URB1: variants seen among roughly 807,000 people sequenced by gnomAD.
The protein encoded by URB1 is URB1 ribosome biogenesis factor.
Under a neutral mutation model 242.3 loss-of-function variants are expected in URB1, and 197 were observed. The ratio of observed to expected loss-of-function variants is 0.81; its 90% CI spans 0.72 to 0.91. URB1 has a LOEUF of 0.91. Among genes scored for constraint, URB1 ranks in the 40% least tolerant of loss-of-function variants. The pLI is 0.00. For synonymous variants in URB1, 1,153 were observed against 1,201.8 expected (o/e 0.96, Z 0.84); for missense variants, 2,721 against 2,860.5 (o/e 0.95, Z 1.11).
At chr21:32,382,032 T>A (rs1270044793) in intron 4 of URB1, among the ~76,000 whole-genome samples, 40 of 152,204 alleles carry the variant, frequency 2.6e-4, no homozygotes, top group Non-Finnish European at 4.4e-5. Context: ...TTACAGATCC[T>A]GGAGAGGTAA....
At chr21:32,320,263 ACT>A (rs999702608) in intron 35 of URB1, among the ~76,000 whole-genome samples, 19 of 152,252 alleles carry the variant, frequency 1.2e-4, no homozygotes, top group Middle Eastern at 3.4e-3. Flanking sequence ...GCTGGCGGAG[ACT>A]CTGCCAGATG....
At chr21:32,379,873 C>T (rs1273854185) in intron 4 of URB1, among the ~76,000 whole-genome samples, 1 of 151,802 alleles carries the variant, frequency 6.6e-6, no homozygotes, top group Admixed American at 6.6e-5. Flanking sequence ...GCCTATAATC[C>T]CAGCTACTCG....
chr21:32,351,028 C>A, intron 19 of URB1, 106 bp from the exon 20 acceptor site: 1 of 1,192,446 alleles, frequency 8.4e-7, no homozygotes, highest in Admixed American at 2.2e-5. Flanking sequence ...CACAAAGAAG[C>A]ACATGCTGAG....
At chr21:32,351,661 C>T (rs754085574) in intron 19 of URB1, among the ~76,000 whole-genome samples, 2 of 152,178 alleles carry the variant, frequency 1.3e-5, no homozygotes, top group Non-Finnish European at 2.9e-5. Flanking sequence ...TGAAAAGGCC[C>T]TCTGGGGAAT....
chr21:32,359,483 TTTTG>T (rs1296513910), intron 14 of URB1, among the ~76,000 whole-genome samples: 13 of 152,240 alleles, frequency 8.5e-5, no homozygotes, highest in African/African-American at 2.4e-4. Context: ...ATGTATTTTA[TTTTG>T]TTTATTATTT....
In URB1 at chr21:32,311,635, T is replaced by A; in HGVS notation, c.*3283A>T. ...AACCCCCCAGCCCCACAGTATGGAC[T>A]GTTCTGCAGCAACTATGATGCCTGC... On this transcript the variant is annotated 3_prime_UTR_variant, in exon 39 of 39. Transcript: ENST00000382751. 6.2e-7 allele frequency: 1 copy of A among 1,601,194 alleles called. No individual in the cohort carries two copies. The highest frequency in any genetic ancestry group is 1.7e-4 in the Middle Eastern group (1 of 5,980).
chr21:32,345,328 T>C, intron 23 of URB1, 46 bp downstream of exon 23: 1 of 1,517,844 alleles, frequency 6.6e-7, no homozygotes, highest in Non-Finnish European at 8.9e-7. Context: ...AAAAAAAAAA[T>C]GACACCGAGA....
rs1358809768 is a variant in URB1, at chr21:32,311,840, G to C, written c.*3078C>G. 6.2e-7 allele frequency: 1 copy of C among 1,614,010 alleles called. No individual in the cohort carries two copies. Among genetic ancestry groups the C allele is most frequent in the African/African-American group, 1.3e-5 (1 of 74,932 alleles). ...CAGGGAGCAGAACTGGCCCTGACCA[G>C]CCGCTACGACAGGAGAGCTCCTCCA... On this transcript the variant is annotated 3_prime_UTR_variant, in exon 39 of 39. Transcript: ENST00000382751.
At chr21:32,334,459 C>T (rs745443130) in intron 28 of URB1, 125 bp from the exon 29 acceptor site, 20 of 1,138,314 alleles carry the variant, frequency 1.8e-5, no homozygotes, top group Admixed American at 1.7e-4. Flanking sequence ...TCTGAGCATG[C>T]GACGTGTTAT....
intron 8 of URB1, among the ~76,000 whole-genome samples, chr21:32,370,621 G>A (rs965438644): frequency 7.9e-5 from 12 of 152,224 alleles, no homozygotes; most frequent in African/African-American, 2.7e-4. Flanking sequence ...CAGAGAGGAT[G>A]CCTAACCCAG....
Position 32,352,918 on chromosome 21 carries a change from C to G in URB1, c.2417-12G>C. ...CACAACGTTTTCCGCTGCAAAGGAA[C>G]GAGATGCATATGGGAAGAGGCTGGC... On this transcript the variant is annotated splice_polypyrimidine_tract_variant and intron_variant, in intron 18 of 38. Transcript: ENST00000382751. The G allele has an allele frequency of 6.5e-7, 1 of 1,532,046 alleles. No individual in the cohort carries two copies. Among genetic ancestry groups the G allele is most frequent in the South Asian group, 1.2e-5 (1 of 80,394 alleles). The allele number at this position is 1,532,046 out of a possible 1,614,324, so 94.9% of individuals were successfully genotyped here. A position where few individuals can be genotyped will look rare whatever the true frequency, so the allele number is the denominator to read the frequency against.
At chr21:32,345,317 T>TA (rs199917396) in intron 23 of URB1, 57 bp downstream of exon 23, 2,563 of 1,297,436 alleles carry the variant, frequency 2.0e-3, no homozygotes, top group Non-Finnish European at 2.1e-3. Flanking sequence ...CTCTATGAAT[T>TA]AAAAAAAAAA....
chr21:32,363,639 A>G (rs374560978), intron 10 of URB1, among the ~76,000 whole-genome samples: 15 of 152,098 alleles, frequency 9.9e-5, no homozygotes, highest in East Asian at 9.6e-4. Context: ...TCCATTAACA[A>G]CAGATCTCAC....
rs748714504 is a variant in URB1 at position 32,350,860 on chromosome 21, G to C, written c.2676C>G (p.Ala892=). ...PALPLASSFT[A]LLQAAYESQA... ...GGCTCTCGTAGGCTGCCTGCAGCAG[G>C]GCTGTGAAGGACGAGGCCAAGGGAA... Residue 892 remains alanine (A), a synonymous_variant, in exon 20 of 39, where the codon GCC becomes GCG. Transcript: ENST00000382751. 297 of 1,550,784 alleles carry C rather than the reference G, an allele frequency of 1.9e-4. No homozygotes were observed. Among genetic ancestry groups the C allele is most frequent in the Non-Finnish European group, 2.5e-4 (284 of 1,147,010 alleles).
chr21:32,357,400 G>A, intron 15 of URB1, 137 bp downstream of exon 15: 1 of 953,788 alleles, frequency 1.0e-6, no homozygotes, highest in Non-Finnish European at 1.4e-6. Context: ...AAATTAAACT[G>A]CCATAAAACC....
chr21:32,344,478 C>T (rs1396540699), intron 24 of URB1, 92 bp downstream of exon 24: 4 of 1,417,920 alleles, frequency 2.8e-6, no homozygotes, highest in Non-Finnish European at 3.8e-6. Context: ...CATATTCATG[C>T]CACCTGGCTT....
intron 5 of URB1, chr21:32,377,303 T>C (rs371806100): frequency 3.9e-6 from 2 of 510,992 alleles, no homozygotes; most frequent in African/African-American, 3.9e-5. Flanking sequence ...GACGGGCCCA[T>C]CATAAATCCA....
At chr21:32,380,883 T>G (rs2146051545) in intron 4 of URB1, among the ~76,000 whole-genome samples, 1 of 152,338 alleles carries the variant, frequency 6.6e-6, no homozygotes, top group East Asian at 1.9e-4. Flanking sequence ...TTTCTGCCAT[T>G]CTACATCTTT....
At position 32,314,524 on chromosome 21, in the gene URB1, A is replaced by G; in HGVS notation, c.*394T>C. On this transcript the variant is annotated 3_prime_UTR_variant, in exon 39 of 39. Transcript: ENST00000382751. ...AACATCTCTCTTCGTTTTCATAAAA[A>G]AAATCTGATACCTTTTGACATTTCA... is the stretch of plus-strand genomic sequence containing the variant. 6.3e-7 allele frequency: 1 copy of G among 1,599,762 alleles called. No homozygotes were observed. The highest frequency in any genetic ancestry group is 8.6e-7 in the Non-Finnish European group (1 of 1,166,836).
Sources: gnomAD v4.1 joint callset for allele counts (sites outside exome capture counted in the v4.1 genomes callset) on GRCh38, gnomAD v4.1.1 for gene constraint, MANE v1.5 for transcripts, NCBI Gene and HGNC (gene_info 2026-07-23, HGNC 2026-07-21) for gene names.